FBXO15: variants seen among roughly 807,000 people sequenced by gnomAD.
FBXO15 encodes the protein F-box only protein 15.
A neutral mutation model predicts 49.5 loss-of-function variants in FBXO15; 30 were observed. The ratio of observed to expected loss-of-function variants is 0.61; its 90% CI spans 0.45 to 0.82. The LOEUF is 0.82. Among genes scored for constraint, FBXO15 ranks in the 40% least tolerant of loss-of-function variants. FBXO15 has a pLI of 0.00. For missense variants in FBXO15, 591 were observed against 631.5 expected (o/e 0.94, Z 0.69); for synonymous variants, 250 against 232.7 (o/e 1.07, Z -0.68).
At chr18:74,138,395 C>T (rs1486306150) in intron 2 of FBXO15, among the ~76,000 whole-genome samples, 1 of 152,156 alleles carries the variant, frequency 6.6e-6, no homozygotes, top group African/African-American at 2.4e-5. Context: ...CTCCCCAGGC[C>T]GCAGGTCACC....
At position 74,140,132 on chromosome 18, in the gene FBXO15, C is replaced by A. The variant is rs939608644; in HGVS notation, c.227+70G>T. Reference sequence around the variant, plus strand: ...CAAAATAGCAACTTGGTATATACAGCATCATAACTTTCTCTAATAACCCCA... The same window carrying A: ...CAAAATAGCAACTTGGTATATACAGAATCATAACTTTCTCTAATAACCCCA... On this transcript the variant is annotated intron_variant, in intron 2 of 9. Coordinates refer to ENST00000419743, the MANE Select transcript of FBXO15 (RefSeq NM_001142958.2). The A allele has an allele frequency of 3.9e-6, 5 of 1,293,164 alleles. No homozygotes were observed. The African/African-American group carries it at 5.9e-5, about 15-fold the overall frequency. The allele number at this position is 1,293,164 out of a possible 1,614,324, so 80.1% of individuals were successfully genotyped here.
intron 8 of FBXO15, among the ~76,000 whole-genome samples, chr18:74,084,769 C>T (rs1912667828): frequency 6.6e-6 from 1 of 152,092 alleles, no homozygotes; most frequent in South Asian, 2.1e-4. Context: ...GACCTCATTC[C>T]AAACCCTGCT....
intron 3 of FBXO15, among the ~76,000 whole-genome samples, chr18:74,133,811 G>A (rs1978547041): frequency 6.6e-6 from 1 of 152,154 alleles, no homozygotes; most frequent in African/African-American, 2.4e-5. Flanking sequence ...AAGAGAGAAG[G>A]AAGGGAGGTC....
rs1978635674 is a variant in FBXO15 at position 74,135,120 on chromosome 18, C to CA, written c.332+641dup. On this transcript the variant is annotated intron_variant, in intron 3 of 9. Transcript: ENST00000419743. ...GAGATGCAGGCTAAGATTATAGTGACAAACAGAAGCAGAGGTTTCTCCCCT... is the reference window on the plus strand; with the variant it reads ...GAGATGCAGGCTAAGATTATAGTGACAAAACAGAAGCAGAGGTTTCTCCCCT... 2.0e-5 allele frequency among the ~76,000 whole-genome samples: 3 copies of CA among 152,278 alleles called. 1 individual carries two copies. The South Asian group carries it at 6.2e-4, about 32-fold the overall frequency.
At chr18:74,115,270 G>T (rs913054602) in intron 8 of FBXO15, among the ~76,000 whole-genome samples, 22 of 152,202 alleles carry the variant, frequency 1.4e-4, no homozygotes, top group African/African-American at 5.1e-4. Flanking sequence ...GTCAGCCAAT[G>T]AGGTGATGCT....
intron 6 of FBXO15, 116 bp from the exon 7 acceptor site, chr18:74,124,687 C>T (rs1420944995): frequency 2.5e-6 from 2 of 815,664 alleles, no homozygotes; most frequent in African/African-American, 1.7e-5. Flanking sequence ...TTCTTACAAA[C>T]ATAAGATCAC....
In FBXO15 at chr18:74,085,736, A is replaced by C. The variant is rs895533216; in HGVS notation, c.1139-3685T>G. 2.4e-4 allele frequency among the ~76,000 whole-genome samples: 37 copies of C among 152,244 alleles called. 1 individual carries two copies. Among genetic ancestry groups the C allele is most frequent in the Non-Finnish European group, 5.9e-5 (4 of 68,044 alleles). On this transcript the variant is annotated intron_variant, in intron 8 of 9. Transcript: ENST00000419743. ...AAGAAAGTCTTTTCACAAATGGTAC[A>C]AAAACAACTGGACATCCACACTGGG... is the stretch of plus-strand genomic sequence containing the variant.
At chr18:74,137,302 C>T (rs1407597405) in intron 2 of FBXO15, among the ~76,000 whole-genome samples, 1 of 152,160 alleles carries the variant, frequency 6.6e-6, no homozygotes, top group South Asian at 2.1e-4. Context: ...TTTTTGTGAC[C>T]ATTTGGATTA....
chr18:74,125,827 T>G, intron 6 of FBXO15, 148 bp downstream of exon 6: 1 of 1,107,416 alleles, frequency 9.0e-7, no homozygotes, highest in Non-Finnish European at 1.3e-6. Context: ...CATGTTAGCT[T>G]GAAAAAATGA....
At chr18:74,117,571 G>C (rs1013678055) in intron 8 of FBXO15, among the ~76,000 whole-genome samples, 1 of 152,180 alleles carries the variant, frequency 6.6e-6, no homozygotes, top group Middle Eastern at 3.4e-3. Flanking sequence ...CTCTGGAGTC[G>C]CGCGGACCTG....
intron 3 of FBXO15, among the ~76,000 whole-genome samples, chr18:74,132,209 G>A (rs1978437364): frequency 6.6e-6 from 1 of 152,214 alleles, no homozygotes; most frequent in Non-Finnish European, 1.5e-5. Context: ...AGCTGAAACT[G>A]TTTCACCAAA....
intron 9 of FBXO15, among the ~76,000 whole-genome samples, chr18:74,079,916 T>C (rs1912420123): frequency 6.6e-6 from 1 of 152,212 alleles, no homozygotes; most frequent in Non-Finnish European, 1.5e-5. Flanking sequence ...TCATTAATAT[T>C]TTCTCACTTC....
intron 9 of FBXO15, among the ~76,000 whole-genome samples, chr18:74,080,821 A>G (rs1912461358): frequency 6.6e-6 from 1 of 152,240 alleles, no homozygotes; most frequent in South Asian, 2.1e-4. Flanking sequence ...GACTGCTCTC[A>G]TCTTTCTCTG....
chr18:74,081,179 C>T (rs994969439), intron 9 of FBXO15, among the ~76,000 whole-genome samples: 3 of 152,164 alleles, frequency 2.0e-5, no homozygotes, highest in Non-Finnish European at 4.4e-5. Context: ...TGGTCCCAGT[C>T]GTCATCATTA....
chr18:74,116,076 A>G (rs1236238494), intron 8 of FBXO15, among the ~76,000 whole-genome samples: 1 of 152,188 alleles, frequency 6.6e-6, no homozygotes, highest in Non-Finnish European at 1.5e-5. Context: ...CACAATACAA[A>G]GATGTTTAAT....
At chr18:74,093,267 G>GA (rs1555676387) in intron 8 of FBXO15, among the ~76,000 whole-genome samples, 1 of 150,080 alleles carries the variant, frequency 6.7e-6, no homozygotes, top group South Asian at 2.2e-4. Flanking sequence ...AAACAATGGG[G>GA]GGGGGGTGGC....
At chr18:74,135,895 T>C in intron 2 of FBXO15, 29 bp from the exon 3 acceptor site, 2 of 1,449,682 alleles carry the variant, frequency 1.4e-6, no homozygotes, top group Non-Finnish European at 1.9e-6. Context: ...AAAAAAAAAA[T>C]CACCAGAGTG....
chr18:74,117,114 T>A (rs1914264805), intron 8 of FBXO15, among the ~76,000 whole-genome samples: 1 of 152,148 alleles, frequency 6.6e-6, no homozygotes, highest in Non-Finnish European at 1.5e-5. Context: ...ACAGAGGACA[T>A]TCTATTTGTA....
intron 1 of FBXO15, among the ~76,000 whole-genome samples, chr18:74,142,633 C>A (rs1276102303): frequency 6.6e-6 from 1 of 152,066 alleles, no homozygotes; most frequent in East Asian, 1.9e-4. Flanking sequence ...AGCAATCTTC[C>A]CTCTAGGCAT....
Sources: allele counts gnomAD v4.1 joint callset (sites outside exome capture counted in the v4.1 genomes callset), GRCh38; gene constraint gnomAD v4.1.1; transcripts MANE v1.5; gene names NCBI Gene and HGNC (gene_info 2026-07-23, HGNC 2026-07-21).